Variants in RELN observed in about 807,000 individuals in gnomAD.
RELN encodes the protein reelin.
A neutral mutation model predicts 427.6 loss-of-function variants in RELN; 108 were observed. That is an observed-to-expected ratio of 0.25 (90% confidence interval 0.22 to 0.30). The LOEUF (loss-of-function observed/expected upper bound fraction) is 0.30, where lower values mean the gene tolerates loss of function less well. RELN is among the 10% of genes least tolerant of loss of function. The probability of loss-of-function intolerance (pLI) is 1.00; values close to 1 mark genes in which losing one functional copy is unlikely to be tolerated. For missense variants in RELN, 3,715 were observed against 4,302.8 expected (o/e 0.86, Z 3.82); for synonymous variants, 1,524 against 1,513.4 (o/e 1.01, Z -0.16).
At chr7:103,818,962 C>G (rs1312487138) in intron 3 of RELN, among the ~76,000 whole-genome samples, 2 of 151,510 alleles carry the variant, frequency 1.3e-5, no homozygotes, top group Non-Finnish European at 2.9e-5. Flanking sequence ...ATAAGAGAAC[C>G]CCAAGTTTGT....
At chr7:103,548,246 T>C (rs1209301734) in intron 41 of RELN, among the ~76,000 whole-genome samples, 1 of 152,238 alleles carries the variant, frequency 6.6e-6, no homozygotes, top group Admixed American at 6.5e-5. Flanking sequence ...TTTGACTATT[T>C]TGCACCTGAG....
intron 2 of RELN, among the ~76,000 whole-genome samples, chr7:103,909,975 G>A (rs1196600142): frequency 7.0e-6 from 1 of 142,110 alleles, no homozygotes; most frequent in Non-Finnish European, 1.5e-5. Context: ...TGATGGGGAT[G>A]GCATTGAATC....
rs1832326483 is a variant in RELN, at chr7:103,626,259, A to G, written c.2702+3681T>C. On this transcript the variant is annotated intron_variant, in intron 20 of 64. Transcript: ENST00000428762. This position sits in a 1 kb window ranked among gnomAD's most constrained non-coding sequence, Gnocchi z 4.4. ...AGTGTGAGAATTTGAAATCAGGCCTACGACCTCAAAGCCTATGTTTCTACC... is the reference window on the plus strand; with the variant it reads ...AGTGTGAGAATTTGAAATCAGGCCTGCGACCTCAAAGCCTATGTTTCTACC... Among the ~76,000 whole-genome samples the G allele has an allele frequency of 6.6e-6, 1 of 152,128 alleles. No homozygotes were observed. The highest frequency in any genetic ancestry group is 1.5e-5 in the Non-Finnish European group (1 of 67,984).
intron 6 of RELN, among the ~76,000 whole-genome samples, chr7:103,734,499 G>C (rs17288875): frequency 0.028 from 4,202 of 152,218 alleles, 81 homozygotes; most frequent in Non-Finnish European, 0.042. Flanking sequence ...ATGATTAAAA[G>C]ACATTTTAAG....
intron 8 of RELN, among the ~76,000 whole-genome samples, chr7:103,703,402 G>T (rs79908219): frequency 0.018 from 2,754 of 152,260 alleles, 92 homozygotes; most frequent in African/African-American, 0.063. Flanking sequence ...AGATGGAAAT[G>T]GCTCCTTGAT....
chr7:103,518,604 G>A (rs1829630326), intron 49 of RELN, among the ~76,000 whole-genome samples: 1 of 150,294 alleles, frequency 6.7e-6, no homozygotes, highest in African/African-American at 2.5e-5. Context: ...CCAAAGTGCT[G>A]GGATTACAGG....
Position 103,483,769 on chromosome 7 carries a change from C to T in RELN, c.10065G>A (p.Val3355=). 1 of 1,614,094 alleles carries T rather than the reference C, an allele frequency of 6.2e-7. No individual in the cohort carries two copies. Among genetic ancestry groups the T allele is most frequent in the Non-Finnish European group, 8.5e-7 (1 of 1,179,920 alleles). Residue 3355 remains valine (V), a synonymous_variant, in exon 62 of 65, where the codon GTG becomes GTA. Transcript: ENST00000428762. ...CNSDLSGPHA[V]DKAVLLQYSV... ...TGTATTGCAGCAGCACTGCCTTGTC[C>T]ACAGCGTGGGGGCCACTCAGGTCAC...
At chr7:103,930,312 C>T (rs910749842) in intron 1 of RELN, among the ~76,000 whole-genome samples, 1 of 151,986 alleles carries the variant, frequency 6.6e-6, no homozygotes, top group African/African-American at 2.4e-5. Context: ...TAGGGCCATC[C>T]CAATGACCTC....
rs189034184 is a variant in RELN at position 103,633,311 on chromosome 7, T to C, written c.2465+2114A>G. Among the ~76,000 whole-genome samples the C allele has an allele frequency of 3.6e-4, 55 of 152,158 alleles. No homozygotes were observed. In the East Asian group the frequency reaches 9.6e-3, roughly 27 times the overall value. On this transcript the variant is annotated intron_variant, in intron 19 of 64. Transcript: ENST00000428762. ...TAGCAAATAGCTAAAGGCATCAAGA[T>C]ATATTTAACTTTCTTATGAAGAATT...
chr7:103,791,309 A>G (rs943223914), intron 3 of RELN, among the ~76,000 whole-genome samples: 1 of 152,204 alleles, frequency 6.6e-6, no homozygotes, highest in Non-Finnish European at 1.5e-5. Flanking sequence ...CATGATAAAG[A>G]AGAAAGCTGG....
Position 103,589,649 on chromosome 7 carries a change from G to C in RELN, c.4092C>G (p.Asp1364Glu). 1 of 1,614,052 alleles carries C rather than the reference G, an allele frequency of 6.2e-7. No homozygotes were observed. ...LSEPTMYHTG[D>E]FEEWTRITIV... ...TGGTGATTCTTGTCCATTCTTCAAA[G>C]TCCCCTGTGTGATACATGGTGGGCT... Residue 1364 changes from aspartate (D) to glutamate (E), a missense_variant, in exon 28 of 65, where the codon GAC becomes GAG. By Grantham distance (45) the Asp-to-Glu change is conservative. Coordinates refer to ENST00000428762, the MANE Select transcript of RELN (RefSeq NM_005045.4).
chr7:103,937,402 T>C (rs1796011277), intron 1 of RELN, among the ~76,000 whole-genome samples: 1 of 152,260 alleles, frequency 6.6e-6, no homozygotes, highest in South Asian at 2.1e-4. Flanking sequence ...GCTGGGTTTA[T>C]ACTTTCTAGT....
At position 103,879,919 on chromosome 7, in the gene RELN, T is replaced by C. The variant is rs142542114; in HGVS notation, c.337+37156A>G. On this transcript the variant is annotated intron_variant, in intron 2 of 64. Coordinates refer to ENST00000428762, the MANE Select transcript of RELN (RefSeq NM_005045.4). ...TGGCTTCTTCCCAGCCATCATTAAT[T>C]TTTTTTTCCCTTGGGCCATTTTTCT... is the stretch of plus-strand genomic sequence containing the variant. Among the ~76,000 whole-genome samples the C allele has an allele frequency of 2.0e-4, 31 of 152,078 alleles. No homozygotes were observed. In the East Asian group the frequency reaches 5.6e-3, roughly 28 times the overall value.
At chr7:103,797,767 G>A (rs955731392) in intron 3 of RELN, among the ~76,000 whole-genome samples, 16 of 152,056 alleles carry the variant, frequency 1.1e-4, no homozygotes, top group African/African-American at 3.6e-4. Flanking sequence ...ATGAAAATCC[G>A]GGGCATGTGG....
At chr7:103,489,621 T>A in intron 60 of RELN, 121 bp downstream of exon 60, 1 of 1,150,540 alleles carries the variant, frequency 8.7e-7, no homozygotes, top group South Asian at 1.3e-5. Flanking sequence ...GAGTGTGTCA[T>A]GAATCTCAGA....
chr7:103,977,722 ATC>A (rs1796910677), intron 1 of RELN, among the ~76,000 whole-genome samples: 1 of 152,206 alleles, frequency 6.6e-6, no homozygotes, highest in Admixed American at 6.5e-5. Flanking sequence ...TCATTTCTAC[ATC>A]TGTTTGGATT....
At chr7:103,902,578 A>G (rs1795107307) in intron 2 of RELN, among the ~76,000 whole-genome samples, 1 of 152,070 alleles carries the variant, frequency 6.6e-6, no homozygotes, top group Non-Finnish European at 1.5e-5. Flanking sequence ...AAATATTAAC[A>G]ATTTTGCTAT....
chr7:103,643,159 C>T (rs1362359053), intron 16 of RELN, among the ~76,000 whole-genome samples: 1 of 152,038 alleles, frequency 6.6e-6, no homozygotes, highest in Non-Finnish European at 1.5e-5. Flanking sequence ...CTGATTAAGA[C>T]ATGGAAAATC....
At chr7:103,919,134 T>A (rs910639093) in intron 1 of RELN, among the ~76,000 whole-genome samples, 1 of 82,962 alleles carries the variant, frequency 1.2e-5, no homozygotes, top group Admixed American at 1.1e-4. Context: ...ATAATCGGTC[T>A]TTTTTTTTTT....
Sources: allele counts gnomAD v4.1 joint callset (sites outside exome capture counted in the v4.1 genomes callset), GRCh38; gene constraint gnomAD v4.1.1; non-coding constraint Gnocchi (gnomAD v3.1); transcripts MANE v1.5; gene names NCBI Gene and HGNC (gene_info 2026-07-23, HGNC 2026-07-21).